REV3L: variants seen among roughly 807,000 people sequenced by gnomAD.
The protein encoded by REV3L is DNA polymerase zeta catalytic subunit.
In REV3L, 69 loss-of-function variants were observed where a neutral mutation model predicts 299.4. The observed-to-expected ratio is 0.23, with a 90% confidence interval of 0.19 to 0.28. REV3L has a LOEUF of 0.28. Ranked by LOEUF, REV3L falls within the 10% of genes least tolerant of loss-of-function variation. The pLI, the probability that REV3L is intolerant of heterozygous loss-of-function variation, is 1.00. For missense variants in REV3L, 3,128 were observed against 3,693.8 expected (o/e 0.85, Z 3.97); for synonymous variants, 1,238 against 1,271.4 (o/e 0.97, Z 0.56).
chr6:111,338,312 CT>C (rs144497761), intron 21 of REV3L, among the ~76,000 whole-genome samples: 2 of 47,942 alleles, frequency 4.2e-5, no homozygotes, highest in East Asian at 1.2e-3. Context: ...GTCTAAAGTC[CT>C]TTTTTTTTTT....
At chr6:111,442,225 G>T (rs955200436) in intron 1 of REV3L, among the ~76,000 whole-genome samples, 3 of 152,202 alleles carry the variant, frequency 2.0e-5, no homozygotes, top group African/African-American at 7.2e-5. Context: ...CTACCCACTT[G>T]TTTCACCAAA....
chr6:111,430,260 CG>C (rs1319344287), intron 1 of REV3L: 40 of 937,494 alleles, frequency 4.3e-5, no homozygotes, highest in Admixed American at 6.8e-5. Context: ...AATCAACTGG[CG>C]AGACAATTGC....
At chr6:111,304,072 G>A (rs1008169253) in intron 31 of REV3L, among the ~76,000 whole-genome samples, 3 of 151,820 alleles carry the variant, frequency 2.0e-5, no homozygotes, top group Non-Finnish European at 4.4e-5. Context: ...TTTTGGTACT[G>A]GGTTACAGAG....
At chr6:111,477,386 T>C (rs1365036741) in intron 1 of REV3L, among the ~76,000 whole-genome samples, 7 of 152,204 alleles carry the variant, frequency 4.6e-5, no homozygotes, top group African/African-American at 1.4e-4. Context: ...CTCCAACACA[T>C]ATGAAATTAC....
At chr6:111,308,347 T>A in intron 30 of REV3L, 1 of 438,160 alleles carries the variant, frequency 2.3e-6, no homozygotes, top group South Asian at 1.6e-5. Flanking sequence ...CTGAGTTTCC[T>A]GCCTTAGAGC....
rs189393130 is a variant in REV3L at position 111,415,678 on chromosome 6, G to C, written c.329+605C>G. 3.3e-4 allele frequency among the ~76,000 whole-genome samples: 50 copies of C among 151,992 alleles called. 1 individual carries two copies. The highest frequency in any genetic ancestry group is 1.2e-3 in the African/African-American group (48 of 41,458). On this transcript the variant is annotated intron_variant, in intron 2 of 31. Transcript: ENST00000368802. ...TTTACTCTTCCACTCTAGTCACCTG[G>C]CTTCCATGCTGTTCCTACTCCCTTA...
rs1200934891 is a variant in REV3L, at chr6:111,376,514, A to G, written c.1841T>C (p.Val614Ala). 7 of 1,612,906 alleles carry G rather than the reference A, an allele frequency of 4.3e-6. No homozygotes were observed. The highest frequency in any genetic ancestry group is 5.1e-6 in the Non-Finnish European group (6 of 1,179,728). The change falls in exon 13 of 32, where the codon GTC (valine) becomes GCC (alanine). Residue 614 changes from valine (V) to alanine (A), a missense_variant. Physicochemically the swap from Val to Ala is moderately conservative, Grantham distance 64. Around this residue, in one of 9 missense-constraint regions of REV3L, gnomAD observed 2,409 missense variants for 2,611.8 expected, o/e 0.92. Coordinates refer to ENST00000368802, the MANE Select transcript of REV3L (RefSeq NM_001372078.1). ...KNTEKGLDNS[V>A]TSFTNESTYS... Reference sequence around the variant, plus strand: ...AGTGCTTTCGTTTGTAAAAGAAGTGACTGAGTTATCTAGACCTTTTTCTGT... The same window carrying G: ...AGTGCTTTCGTTTGTAAAAGAAGTGGCTGAGTTATCTAGACCTTTTTCTGT...
chr6:111,452,644 C>T (rs745619263), intron 1 of REV3L, among the ~76,000 whole-genome samples: 10 of 152,026 alleles, frequency 6.6e-5, no homozygotes, highest in African/African-American at 1.2e-4. Flanking sequence ...CCAGGAATAG[C>T]GAGAGAGGTT....
chr6:111,447,199 C>T (rs376811207), intron 1 of REV3L, among the ~76,000 whole-genome samples: 5 of 152,284 alleles, frequency 3.3e-5, no homozygotes, highest in Non-Finnish European at 7.4e-5. Flanking sequence ...AGACTTAATA[C>T]GGGTGGCTGC....
At position 111,376,084 on chromosome 6, in the gene REV3L, C is replaced by A. The variant is rs74787235; in HGVS notation, c.2271G>T (p.Val757=). 453 of 1,613,558 alleles carry A rather than the reference C, an allele frequency of 2.8e-4. 5 individuals carry two copies. The African/African-American group carries it at 5.7e-3, about 20-fold the overall frequency. The change falls in exon 13 of 32, where the codon GTG becomes GTT. Residue 757 remains valine, a synonymous_variant. Coordinates refer to ENST00000368802, the MANE Select transcript of REV3L (RefSeq NM_001372078.1). ...LSCSGENRTM[V]HSLNSTADES... The stretch of plus-strand genomic sequence containing the variant: ...CATCAGCAGTGCTATTAAGAGAATG[C>A]ACCATAGTTCTATTCTCCCCTGAGC...
rs766110801 is a variant in REV3L at position 111,374,095 on chromosome 6, C to CA, written c.4259dup (p.Leu1420PhefsTer21). ...TCTGCTGCTGACTGTCTTTGCAATG[C>CA]AAAAAATTAGGGGTATATGCTTGGT... On this transcript the variant is annotated frameshift_variant, in exon 13 of 32. Coordinates refer to ENST00000368802, the MANE Select transcript of REV3L (RefSeq NM_001372078.1). LOFTEE classifies it high-confidence loss of function. The CA allele has an allele frequency of 6.2e-7, 1 of 1,613,654 alleles. No homozygotes were observed. The highest frequency in any genetic ancestry group is 8.5e-7 in the Non-Finnish European group (1 of 1,179,808).
intron 20 of REV3L, among the ~76,000 whole-genome samples, chr6:111,346,817 T>C (rs1777076968): frequency 6.6e-6 from 1 of 152,192 alleles, no homozygotes; most frequent in African/African-American, 2.4e-5. Context: ...AAAATATTTG[T>C]TCTCTAATTT....
intron 4 of REV3L, among the ~76,000 whole-genome samples, chr6:111,404,402 G>A (rs1036317141): frequency 1.3e-5 from 2 of 152,196 alleles, no homozygotes; most frequent in African/African-American, 4.8e-5. Flanking sequence ...TGTACAAGAC[G>A]ACTAATGTTG....
chr6:111,343,253 T>C (rs1256399822), intron 21 of REV3L, among the ~76,000 whole-genome samples: 1 of 152,180 alleles, frequency 6.6e-6, no homozygotes, highest in South Asian at 2.1e-4. Flanking sequence ...GAACAAACTA[T>C]TTATGCAACA....
At chr6:111,465,085 G>GT (rs372736461) in intron 1 of REV3L, among the ~76,000 whole-genome samples, 48,320 of 129,944 alleles carry the variant, frequency 0.37, 10,997 homozygotes, top group Non-Finnish European at 0.51. Flanking sequence ...ATTTTTATTT[G>GT]TTTTTTTTTT....
At chr6:111,446,726 A>G (rs888712302) in intron 1 of REV3L, among the ~76,000 whole-genome samples, 1 of 151,598 alleles carries the variant, frequency 6.6e-6, no homozygotes, top group African/African-American at 2.4e-5. Flanking sequence ...ACAAACAAAC[A>G]AACAAACAAC....
In REV3L at chr6:111,482,968, G is replaced by A. The variant is rs1479408635; in HGVS notation, c.-80C>T. 6 of 1,406,934 alleles carry A rather than the reference G, an allele frequency of 4.3e-6. No homozygotes were observed. The highest frequency in any genetic ancestry group is 1.6e-5 in the South Asian group (1 of 63,186). The allele number at this position is 1,406,934 out of a possible 1,614,324, so 87.2% of individuals were successfully genotyped here. On this transcript the variant is annotated 5_prime_UTR_variant, in exon 1 of 32. Coordinates refer to ENST00000368802, the MANE Select transcript of REV3L (RefSeq NM_001372078.1). ...CAGCGGCGGCGGCTCCCTCCGCAGC[G>A]GCGGCGGCGCCCCCTCCCCTTCTCG...
chr6:111,403,879 T>C (rs1423033769), intron 4 of REV3L, among the ~76,000 whole-genome samples: 1 of 152,272 alleles, frequency 6.6e-6, no homozygotes, highest in Admixed American at 6.5e-5. Flanking sequence ...GGAAAAGTTC[T>C]TGAAGGAAAT....
intron 16 of REV3L, among the ~76,000 whole-genome samples, chr6:111,359,290 G>A (rs1778402321): frequency 6.6e-6 from 1 of 152,100 alleles, no homozygotes; most frequent in African/African-American, 2.4e-5. Context: ...CTCAATGCCT[G>A]TTTGAGAAAG....
Sources: allele counts gnomAD v4.1 joint callset (sites outside exome capture counted in the v4.1 genomes callset), GRCh38; gene constraint gnomAD v4.1.1; regional missense constraint gnomAD v4.1.1; transcripts MANE v1.5; gene names NCBI Gene and HGNC (gene_info 2026-07-23, HGNC 2026-07-21).